MTUS1: variants seen among roughly 807,000 people sequenced by gnomAD.
MTUS1 encodes microtubule-associated tumor suppressor 1.
In MTUS1, 109 loss-of-function variants were observed where a neutral mutation model predicts 120.8. That is an observed-to-expected ratio of 0.90 (90% CI 0.77 to 1.06). The LOEUF (loss-of-function observed/expected upper bound fraction) is 1.06, where lower values mean the gene tolerates loss of function less well. Among genes scored for constraint, MTUS1 ranks in the 50% least tolerant of loss-of-function variants. The pLI is 0.00. For synonymous variants in MTUS1, 737 were observed against 550.5 expected (o/e 1.34, Z -4.74); for missense variants, 2,210 against 1,486.3 (o/e 1.49, Z -8.01).
chr8:17,728,702 G>A (rs937746278), intron 3 of MTUS1, among the ~76,000 whole-genome samples: 1 of 152,100 alleles, frequency 6.6e-6, no homozygotes, highest in Non-Finnish European at 1.5e-5. Context: ...TTTACAGTTG[G>A]GTGAGACATG....
intron 1 of MTUS1, among the ~76,000 whole-genome samples, chr8:17,763,281 C>T (rs757155009): frequency 1.9e-4 from 29 of 152,190 alleles, no homozygotes; most frequent in Non-Finnish European, 2.4e-4. Context: ...TGAGCCACCA[C>T]GCCTGGCCGG....
rs375513763 is a variant in MTUS1, at chr8:17,755,627, C to A, written c.181G>T (p.Asp61Tyr). 18 of 1,614,066 alleles carry A rather than the reference C, an allele frequency of 1.1e-5. No individual in the cohort carries two copies. In the African/African-American group the frequency reaches 2.1e-4, roughly 19 times the overall value. ...TTTTCACCAGTAACTACAGCAGGGT[C>A]AGTTTCATAATCAACCACCATGTCA... The part of the protein sequence containing the change: ...PDDMVVDYET[D>Y]PAVVTGENIS... The change falls in exon 2 of 15, where the codon GAC becomes TAC. Residue 61 changes from aspartate (D) to tyrosine (Y), a missense_variant. Coordinates refer to ENST00000693296, the MANE Select transcript of MTUS1 (RefSeq NM_001363059.2).
chr8:17,763,819 C>G (rs952850097), intron 1 of MTUS1, among the ~76,000 whole-genome samples: 1 of 152,164 alleles, frequency 6.6e-6, no homozygotes, highest in African/African-American at 2.4e-5. Flanking sequence ...TTCCAGACAG[C>G]AGAATGTGAG....
intron 10 of MTUS1, chr8:17,653,778 A>C: frequency 3.3e-6 from 1 of 304,204 alleles, no homozygotes. Flanking sequence ...ACTGAGTGCC[A>C]TTTCAGGGCA....
chr8:17,767,241 C>T (rs945734311), intron 1 of MTUS1, among the ~76,000 whole-genome samples: 13 of 138,570 alleles, frequency 9.4e-5, no homozygotes, highest in African/African-American at 3.2e-4. Context: ...TTTCATAAAT[C>T]TTTTAGTTAT....
intron 10 of MTUS1, 123 bp downstream of exon 10, chr8:17,654,438 A>T: frequency 1.5e-6 from 1 of 681,294 alleles, no homozygotes; most frequent in Non-Finnish European, 2.5e-6. Flanking sequence ...AACCAAGAAC[A>T]CCCCAGCCTG....
intron 6 of MTUS1, among the ~76,000 whole-genome samples, chr8:17,707,795 C>G (rs1030674640): frequency 6.6e-6 from 1 of 152,186 alleles, no homozygotes; most frequent in Admixed American, 6.5e-5. Context: ...GCAAAGAACA[C>G]AATTTAGAAA....
At chr8:17,743,346 A>G (rs1305340925) in intron 3 of MTUS1, among the ~76,000 whole-genome samples, 1 of 152,100 alleles carries the variant, frequency 6.6e-6, no homozygotes, top group East Asian at 1.9e-4. Flanking sequence ...CAGCCACCCA[A>G]TTGTATATTT....
intron 6 of MTUS1, among the ~76,000 whole-genome samples, chr8:17,709,616 G>A (rs1408012031): frequency 1.3e-5 from 2 of 151,800 alleles, no homozygotes; most frequent in Admixed American, 6.6e-5. Flanking sequence ...GACATAATAA[G>A]GCAAATCACA....
intron 6 of MTUS1, among the ~76,000 whole-genome samples, chr8:17,696,589 G>A (rs1042231892): frequency 6.6e-6 from 1 of 152,154 alleles, no homozygotes; most frequent in African/African-American, 2.4e-5. Flanking sequence ...CCCTAAAAGT[G>A]AGCAGACAGG....
intron 8 of MTUS1, among the ~76,000 whole-genome samples, chr8:17,674,250 T>C (rs557953268): frequency 5.2e-4 from 79 of 152,016 alleles, no homozygotes; most frequent in African/African-American, 1.7e-3. Flanking sequence ...CGAAACCCCA[T>C]CTCTACTAAA....
At chr8:17,715,620 T>G in intron 5 of MTUS1, 147 bp downstream of exon 5, 1 of 869,446 alleles carries the variant, frequency 1.2e-6, no homozygotes, top group East Asian at 2.6e-5. Flanking sequence ...ATTTCCTCAG[T>G]GCAAAAATGT....
At chr8:17,732,170 C>A (rs1003713088) in intron 3 of MTUS1, among the ~76,000 whole-genome samples, 1 of 152,172 alleles carries the variant, frequency 6.6e-6, no homozygotes, top group African/African-American at 2.4e-5. Flanking sequence ...ATGACAAAGC[C>A]ACATGCTGAT....
chr8:17,743,730 G>A lies in MTUS1; in HGVS notation c.2161C>T (p.Gln721Ter). Residue 721 changes from glutamine to a stop codon, truncating the protein, a stop_gained, in exon 3 of 15, where the codon CAA becomes TAA. Coordinates refer to ENST00000693296, the MANE Select transcript of MTUS1 (RefSeq NM_001363059.2). LOFTEE classifies it high-confidence loss of function. ...ACTTTGGCTTTTGGAGCAGCTATTT[G>A]CCTCAAACCGCAGGAGTCAGGCTTG... ...ISKPDSCGLRQIAAPKAKVGP... is the reference protein window; with the variant it reads ...ISKPDSCGLR The A allele has an allele frequency of 6.2e-7, 1 of 1,614,172 alleles. No homozygotes were observed. The highest frequency in any genetic ancestry group is 8.5e-7 in the Non-Finnish European group (1 of 1,180,030).
At chr8:17,658,026 C>G (rs1317449819) in intron 8 of MTUS1, among the ~76,000 whole-genome samples, 7 of 63,646 alleles carry the variant, frequency 1.1e-4, no homozygotes, top group Non-Finnish European at 1.9e-4. Context: ...TATATATAGA[C>G]ACACACACAC....
intron 1 of MTUS1, among the ~76,000 whole-genome samples, chr8:17,775,803 G>C (rs1563372558): frequency 6.6e-6 from 1 of 152,222 alleles, no homozygotes; most frequent in Non-Finnish European, 1.5e-5. Context: ...GAGGCAGCCT[G>C]GCCAACCTGG....
chr8:17,798,191 G>T (rs1243361505), intron 1 of MTUS1, among the ~76,000 whole-genome samples: 1 of 152,148 alleles, frequency 6.6e-6, no homozygotes, highest in African/African-American at 2.4e-5. Context: ...TTTCTGCTCT[G>T]ATTTCAAAGG....
Position 17,755,083 on chromosome 8 carries a change from G to A in MTUS1, c.725C>T (p.Thr242Ile). ...QVTPSEAQDMTYTAFSDVVMQ... is the reference protein window; with the variant it reads ...QVTPSEAQDMIYTAFSDVVMQ... Reference sequence around the variant, plus strand: ...CACCACATCAGAAAATGCTGTGTAAGTCATGTCTTGGGCTTCTGATGGTGT... The same window carrying A: ...CACCACATCAGAAAATGCTGTGTAAATCATGTCTTGGGCTTCTGATGGTGT... The change falls in exon 2 of 15, where the codon ACT becomes ATT. Residue 242 changes from threonine to isoleucine, a missense_variant. Thr to Ile is a moderately conservative substitution (Grantham distance 89, BLOSUM62 -1). Coordinates refer to ENST00000693296, the MANE Select transcript of MTUS1 (RefSeq NM_001363059.2). 1 of 1,613,810 alleles carries A rather than the reference G, an allele frequency of 6.2e-7. No individual in the cohort carries two copies. The highest frequency in any genetic ancestry group is 1.1e-5 in the South Asian group (1 of 91,084).
At chr8:17,687,200 G>A (rs561198960) in intron 6 of MTUS1, among the ~76,000 whole-genome samples, 9 of 152,252 alleles carry the variant, frequency 5.9e-5, no homozygotes, top group African/African-American at 2.2e-4. Context: ...CTGGAAACTC[G>A]TGCTGTGCAG....
Sources: allele counts gnomAD v4.1 joint callset (sites outside exome capture counted in the v4.1 genomes callset), GRCh38; gene constraint gnomAD v4.1.1; transcripts MANE v1.5; gene names NCBI Gene and HGNC (gene_info 2026-07-23, HGNC 2026-07-21).